The following CYP11B1 variants were observed in gnomAD, a reference collection of about 807,000 sequenced individuals.
The protein encoded by CYP11B1 is cytochrome P450 11B1, mitochondrial.
In CYP11B1, 34 loss-of-function variants were observed where a neutral mutation model predicts 48.3. The observed-to-expected ratio is 0.70, with a 90% CI of 0.54 to 0.94. The LOEUF (loss-of-function observed/expected upper bound fraction) is 0.94. Ranked by LOEUF, CYP11B1 falls within the 40% of genes least tolerant of loss-of-function variation. The pLI, the probability that CYP11B1 is intolerant of heterozygous loss-of-function variation, is 0.00. For missense variants in CYP11B1, 688 were observed against 657.4 expected (o/e 1.05, Z -0.51); for synonymous variants, 291 against 262.5 (o/e 1.11, Z -1.05).
rs372693198 is a variant in CYP11B1 at position 142,875,210 on chromosome 8, T to A, written c.1200+24A>T. 20 of 1,613,942 alleles carry A rather than the reference T, an allele frequency of 1.2e-5. No individual in the cohort carries two copies. In the South Asian group the frequency reaches 1.6e-4, roughly 13 times the overall value. On this transcript the variant is annotated intron_variant, in intron 7 of 8. Transcript: ENST00000292427. ...ATGACTGGGGAGGGAGGTTCTCAGC[T>A]CGAGGGGTGTGGGGCTCACTCACCC...
At position 142,874,057 on chromosome 8, in the gene CYP11B1, T is replaced by G. The variant is rs1816861533; in HGVS notation, c.*316A>C. On this transcript the variant is annotated 3_prime_UTR_variant, in exon 9 of 9. Coordinates refer to ENST00000292427, the MANE Select transcript of CYP11B1 (RefSeq NM_000497.4). ...GGGACAAAACCACAGCACCCTTGTA[T>G]GGCCACACGAGGAGCCTGGAGCCAG... 2.2e-6 allele frequency: 1 copy of G among 448,388 alleles called. No homozygotes were observed. The highest frequency in any genetic ancestry group is 3.4e-5 in the Admixed American group (1 of 29,238). The allele number at this position is 448,388 out of a possible 1,614,324, so 27.8% of individuals were successfully genotyped here. A position where few individuals can be genotyped will look rare whatever the true frequency, so the allele number is the denominator to read the frequency against.
chr8:142,879,641 T>G lies in CYP11B1; in HGVS notation c.173A>C (p.Glu58Ala), dbSNP rs754364294. 1 of 1,614,160 alleles carries G rather than the reference T, an allele frequency of 6.2e-7. No homozygotes were observed. The highest frequency in any genetic ancestry group is 8.5e-7 in the Non-Finnish European group (1 of 1,180,024). Reference protein sequence around the residue: ...RWLRLLQIWREQGYEDLHLEV... With the variant: ...RWLRLLQIWRAQGYEDLHLEV... ...CAGGTGCAGGTCCTCATAACCCTGCTCCCTCCAGATCTGCAGCAGCCTCAG... is the reference window on the plus strand; with the variant it reads ...CAGGTGCAGGTCCTCATAACCCTGCGCCCTCCAGATCTGCAGCAGCCTCAG... Residue 58 changes from glutamate (E) to alanine (A), a missense_variant, in exon 1 of 9, where the codon GAG becomes GCG. Transcript: ENST00000292427.
In CYP11B1 at chr8:142,877,841, A is replaced by G. The variant is rs144897910; in HGVS notation, c.396-619T>C. The stretch of plus-strand genomic sequence containing the variant: ...TCCCCTGTCAGCCACATTTCTGCAA[A>G]ACTCAAAGCTTTATTTATGTCCAGC... On this transcript the variant is annotated intron_variant, in intron 2 of 8. Transcript: ENST00000292427. The G allele has an allele frequency of 2.6e-4, 421 of 1,590,134 alleles. 2 individuals are homozygous for G. The African/African-American group carries it at 4.0e-3, about 15-fold the overall frequency.
Position 142,875,720 on chromosome 8 carries a change from C to G in CYP11B1, c.1113G>C (p.Glu371Asp). The G allele has an allele frequency of 1.2e-6, 2 of 1,613,944 alleles. No homozygotes were observed. Among genetic ancestry groups the G allele is most frequent in the Non-Finnish European group, 8.5e-7 (1 of 1,179,978 alleles). Residue 371 changes from glutamate to aspartate, a missense_variant, in exon 6 of 9, where the codon GAG becomes GAC. Glu to Asp is a conservative substitution (Grantham distance 45). Transcript: ENST00000292427. ...CCTCAGCCAGCACCCACCGCAAGGTCTCCTTGAGGGCCGCACGCAGCAAGG... is the reference window on the plus strand; with the variant it reads ...CCTCAGCCAGCACCCACCGCAAGGTGTCCTTGAGGGCCGCACGCAGCAAGG... ...ELPLLRAALK[E>D]TLRLYPVGLF... is the part of the protein sequence containing the mutation.
At chr8:142,877,792 C>G in intron 2 of CYP11B1, 4 of 1,596,338 alleles carry the variant, frequency 2.5e-6, no homozygotes, top group Non-Finnish European at 3.4e-6. Context: ...CATGGATGCC[C>G]CCAGGGAATG....
In CYP11B1 at chr8:142,876,111, T is replaced by C. The variant is rs981611979; in HGVS notation, c.954+130A>G. 489 of 1,361,140 alleles carry C rather than the reference T, an allele frequency of 3.6e-4. 2 individuals carry two copies. Among genetic ancestry groups the C allele is most frequent in the Non-Finnish European group, 4.7e-4 (458 of 967,662 alleles). 84.3% of individuals were successfully genotyped at this position (1,361,140 alleles called of 1,614,324 possible). ...TGCAAACGTGTTTATCACATCACAA[T>C]CCCAAGTAAGAAATGTGGGGCCCAT... On this transcript the variant is annotated intron_variant, in intron 5 of 8. Transcript: ENST00000292427.
intron 1 of CYP11B1, 54 bp downstream of exon 1, chr8:142,879,521 G>A: frequency 1.2e-6 from 2 of 1,614,148 alleles, no homozygotes; most frequent in Non-Finnish European, 8.5e-7. Flanking sequence ...CAGGGTCCTG[G>A]GCAGCAAGGG....
In CYP11B1 at chr8:142,879,299, G is replaced by A. The variant is rs751316365; in HGVS notation, c.240-112C>T. 41 of 1,606,902 alleles carry A rather than the reference G, an allele frequency of 2.6e-5. No individual in the cohort carries two copies. The South Asian group carries it at 3.6e-4, about 14-fold the overall frequency. ...CCACCCTCCCCTCTCCTGGATTAGCGGCTTCACAGCTAAAGCCCTCTTGCT... is the reference window on the plus strand; with the variant it reads ...CCACCCTCCCCTCTCCTGGATTAGCAGCTTCACAGCTAAAGCCCTCTTGCT... On this transcript the variant is annotated intron_variant, in intron 1 of 8. Coordinates refer to ENST00000292427, the MANE Select transcript of CYP11B1 (RefSeq NM_000497.4).
chr8:142,876,118 T>A (rs1809132645), intron 5 of CYP11B1, 123 bp downstream of exon 5: 2 of 1,390,434 alleles, frequency 1.4e-6, no homozygotes, highest in Admixed American at 3.7e-5. Flanking sequence ...CAATCCCAAG[T>A]AAGAAATGTG....
intron 8 of CYP11B1, among the ~76,000 whole-genome samples, 172 bp downstream of exon 8, chr8:142,874,785 C>T (rs923861872): frequency 5.9e-5 from 9 of 152,058 alleles, no homozygotes; most frequent in African/African-American, 2.2e-4. Flanking sequence ...CCAACTCCTG[C>T]CCAGGACCTA....
chr8:142,877,780 T>C (rs1239391637), intron 2 of CYP11B1: 15 of 1,597,070 alleles, frequency 9.4e-6, no homozygotes, highest in Non-Finnish European at 1.2e-5. Context: ...GCGTGGGGGC[T>C]CCATGGATGC....
At chr8:142,874,675 C>A (rs561192572) in intron 8 of CYP11B1, among the ~76,000 whole-genome samples, 189 bp from the exon 9 acceptor site, 2 of 152,238 alleles carry the variant, frequency 1.3e-5, no homozygotes, top group South Asian at 4.2e-4. Context: ...CAGGTATTGC[C>A]CAAGCCCCAC....
rs773245244 is a variant in CYP11B1 at position 142,875,737 on chromosome 8, G to A, written c.1096C>T (p.Arg366Cys). ...QKATTELPLL[R>C]AALKETLRLY... The stretch of plus-strand genomic sequence containing the variant: ...CGCAAGGTCTCCTTGAGGGCCGCAC[G>A]CAGCAAGGGCAGCTCGGTGGTTGCC... Residue 366 changes from arginine to cysteine, a missense_variant, in exon 6 of 9, where the codon CGT becomes TGT. By Grantham distance (180) the Arg-to-Cys change is radical (BLOSUM62 -3). Coordinates refer to ENST00000292427, the MANE Select transcript of CYP11B1 (RefSeq NM_000497.4). 20 of 1,613,926 alleles carry A rather than the reference G, an allele frequency of 1.2e-5. No individual in the cohort carries two copies. The highest frequency in any genetic ancestry group is 2.2e-5 in the East Asian group (1 of 44,860).
chr8:142,878,423 C>T (rs1403980076), intron 2 of CYP11B1, among the ~76,000 whole-genome samples: 1 of 152,222 alleles, frequency 6.6e-6, no homozygotes, highest in Non-Finnish European at 1.5e-5. Context: ...TCAGCCTCTC[C>T]CTGCCCACCT....
At chr8:142,877,977 C>G in intron 2 of CYP11B1, 2 of 658,824 alleles carry the variant, frequency 3.0e-6, no homozygotes. Flanking sequence ...CACATGTGCA[C>G]AGACACTACA....
At position 142,879,613 on chromosome 8, in the gene CYP11B1, T is replaced by C. The variant is rs775480247; in HGVS notation, c.201A>G (p.Glu67=). ...REQGYEDLHL[E]VHQTFQELGP... ...CTAGTTCCTGGAAGGTCTGGTGTAC[T>C]TCCAGGTGCAGGTCCTCATAACCCT... Residue 67 remains glutamate (E), a synonymous_variant, in exon 1 of 9, where the codon GAA becomes GAG. Transcript: ENST00000292427. The C allele has an allele frequency of 1.9e-6, 3 of 1,614,114 alleles. No individual in the cohort carries two copies. Among genetic ancestry groups the C allele is most frequent in the East Asian group, 2.2e-5 (1 of 44,886 alleles).
intron 2 of CYP11B1, chr8:142,877,695 A>G: frequency 6.5e-7 from 1 of 1,533,100 alleles, no homozygotes; most frequent in Non-Finnish European, 8.9e-7. Flanking sequence ...CAGCAGCCCC[A>G]GTGAAGTGTC....
At chr8:142,874,801 C>G (rs1816879406) in intron 8 of CYP11B1, among the ~76,000 whole-genome samples, 156 bp downstream of exon 8, 1 of 152,192 alleles carries the variant, frequency 6.6e-6, no homozygotes, top group Admixed American at 6.5e-5. Context: ...ACCTACACAG[C>G]CTCAACCTGG....
At position 142,876,647 on chromosome 8, in the gene CYP11B1, C is replaced by T. The variant is rs1326806379; in HGVS notation, c.799+35G>A. On this transcript the variant is annotated intron_variant, in intron 4 of 8. Transcript: ENST00000292427. ...GAGAAATTGGGCCCCCATGGTGTCC[C>T]TTCCCCATAGCACTGCCCGGGTCCC... 5 of 1,586,996 alleles carry T rather than the reference C, an allele frequency of 3.2e-6. No individual in the cohort carries two copies. In the African/African-American group the frequency reaches 6.7e-5, roughly 21 times the overall value.
Sources: gnomAD v4.1 joint callset for allele counts (sites outside exome capture counted in the v4.1 genomes callset) on GRCh38, gnomAD v4.1.1 for gene constraint, MANE v1.5 for transcripts, NCBI Gene and HGNC (gene_info 2026-07-23, HGNC 2026-07-21) for gene names.